The following TBC1D5 variants were observed in gnomAD, a reference collection of about 807,000 sequenced individuals.
TBC1D5 encodes TBC1 domain family, member 5.
TBC1D5 carries 75 observed loss-of-function variants against 100.3 expected under a neutral mutation model. The observed-to-expected ratio is 0.75, with a 90% CI of 0.62 to 0.91. The LOEUF is 0.91. TBC1D5 is among the 40% of genes least tolerant of loss of function. The probability of loss-of-function intolerance (pLI) is 0.00; values close to 1 mark genes in which losing one functional copy is unlikely to be tolerated. For synonymous variants in TBC1D5, 323 were observed against 325.6 expected (o/e 0.99, Z 0.09); for missense variants, 910 against 942.4 (o/e 0.97, Z 0.45).
chr3:17,378,718 T>A (rs2092807932), intron 9 of TBC1D5, among the ~76,000 whole-genome samples: 1 of 151,642 alleles, frequency 6.6e-6, no homozygotes, highest in South Asian at 2.1e-4. Context: ...TTTGCTTTCA[T>A]GCCTATAAAG....
intron 2 of TBC1D5, chr3:17,524,499 G>A (rs1271595851): frequency 6.6e-6 from 1 of 152,150 alleles, no homozygotes; most frequent in Non-Finnish European, 1.5e-5. Context: ...CAATCTAAAT[G>A]TTCTATAATC....
intron 2 of TBC1D5, among the ~76,000 whole-genome samples, chr3:17,514,053 G>A (rs2095949906): frequency 6.6e-6 from 1 of 152,114 alleles, no homozygotes; most frequent in Non-Finnish European, 1.5e-5. Flanking sequence ...AAAGAAAAAA[G>A]AGGGAAAGAA....
chr3:17,568,062 T>G (rs1423444071), intron 2 of TBC1D5, among the ~76,000 whole-genome samples: 1 of 151,600 alleles, frequency 6.6e-6, no homozygotes, highest in Non-Finnish European at 1.5e-5. Flanking sequence ...ATAATAATGT[T>G]CTAGCAAGCA....
intron 2 of TBC1D5, among the ~76,000 whole-genome samples, chr3:17,531,095 A>G: frequency 6.6e-6 from 1 of 152,238 alleles, no homozygotes; most frequent in East Asian, 1.9e-4. Flanking sequence ...CCATCATCTC[A>G]GCCCAAAATC....
chr3:17,446,659 A>G (rs2094802991), intron 3 of TBC1D5, among the ~76,000 whole-genome samples: 1 of 152,250 alleles, frequency 6.6e-6, no homozygotes, highest in South Asian at 2.1e-4. Flanking sequence ...AACAGAGACA[A>G]GTAAAAGCCC....
At chr3:17,533,074 GACACACACACACACACAC>G (rs9310518) in intron 2 of TBC1D5, among the ~76,000 whole-genome samples, 23 of 145,050 alleles carry the variant, frequency 1.6e-4, no homozygotes, top group African/African-American at 5.7e-4. Flanking sequence ...CACATACACA[GACACACACACACACACAC>G]ACACACACAC....
intron 8 of TBC1D5, among the ~76,000 whole-genome samples, chr3:17,397,217 T>G (rs2093531502): frequency 6.6e-6 from 1 of 152,094 alleles, no homozygotes; most frequent in Non-Finnish European, 1.5e-5. Context: ...CCAGAAAATA[T>G]CAAATAAGGT....
At chr3:17,242,824 G>C (rs894415094) in intron 16 of TBC1D5, among the ~76,000 whole-genome samples, 1 of 151,572 alleles carries the variant, frequency 6.6e-6, no homozygotes, top group South Asian at 2.1e-4. Flanking sequence ...AAAATAAACC[G>C]ATATATATAT....
intron 16 of TBC1D5, among the ~76,000 whole-genome samples, chr3:17,251,438 C>CA (rs1553635378): frequency 4.4e-5 from 5 of 113,272 alleles, no homozygotes; most frequent in East Asian, 4.6e-4. Context: ...CCCCCCCCCC[C>CA]AGTAGAAGCG....
intron 13 of TBC1D5, among the ~76,000 whole-genome samples, chr3:17,349,890 C>G (rs990973155): frequency 6.6e-6 from 1 of 152,142 alleles, no homozygotes; most frequent in Non-Finnish European, 1.5e-5. Context: ...AGTTAACACA[C>G]AGATCCATGG....
intron 2 of TBC1D5, 188 bp downstream of exon 2, chr3:17,623,661 G>A (rs946599925): frequency 2.6e-5 from 4 of 152,264 alleles, no homozygotes; most frequent in Admixed American, 2.0e-4. Context: ...TGACTTACAA[G>A]GCTGCAATTG....
intron 1 of TBC1D5, among the ~76,000 whole-genome samples, chr3:17,627,943 C>T (rs1412554369): frequency 6.6e-6 from 1 of 152,014 alleles, no homozygotes; most frequent in Non-Finnish European, 1.5e-5. Context: ...TCTGCATTAG[C>T]TCTTATTACT....
chr3:17,430,349 G>A (rs2094426349), intron 3 of TBC1D5, among the ~76,000 whole-genome samples: 2 of 151,740 alleles, frequency 1.3e-5, no homozygotes, highest in South Asian at 4.1e-4. Flanking sequence ...CCTTTAAGGT[G>A]ATATTTATCA....
chr3:17,524,079 A>C (rs2096097838), intron 2 of TBC1D5, among the ~76,000 whole-genome samples: 1 of 152,188 alleles, frequency 6.6e-6, no homozygotes, highest in Non-Finnish European at 1.5e-5. Flanking sequence ...AAAAGCATGA[A>C]ACAAATAATA....
intron 2 of TBC1D5, among the ~76,000 whole-genome samples, chr3:17,540,059 A>C (rs905816233): frequency 7.2e-5 from 11 of 152,170 alleles, no homozygotes; most frequent in African/African-American, 2.7e-4. Flanking sequence ...GTGGTATTTC[A>C]TTATAGTTTT....
chr3:17,341,863 T>A (rs2151422363), intron 13 of TBC1D5, among the ~76,000 whole-genome samples: 1 of 152,256 alleles, frequency 6.6e-6, no homozygotes, highest in Non-Finnish European at 1.5e-5. Flanking sequence ...CCACCCCAAC[T>A]TTTATCTTCT....
chr3:17,428,597 C>A (rs183239553), intron 3 of TBC1D5, 78 bp from the exon 4 acceptor site: 1 of 658,922 alleles, frequency 1.5e-6, no homozygotes, highest in Non-Finnish European at 2.3e-6. Context: ...GAAAGCTCTA[C>A]GCAATATATT....
At chr3:17,220,900 C>T (rs922950884) in intron 17 of TBC1D5, among the ~76,000 whole-genome samples, 1 of 152,152 alleles carries the variant, frequency 6.6e-6, no homozygotes, top group African/African-American at 2.4e-5. Context: ...AAAATTCCAT[C>T]TTTTTAAAAG....
chr3:17,739,490 A>C (rs942373994), exon 1 of TBC1D5: 1 of 152,218 alleles, frequency 6.6e-6, no homozygotes, highest in Non-Finnish European at 1.5e-5. Context: ...AACAAACACT[A>C]AATCTACTAC....
Sources: allele counts gnomAD v4.1 joint callset (sites outside exome capture counted in the v4.1 genomes callset), GRCh38; gene constraint gnomAD v4.1.1; transcripts MANE v1.5; gene names NCBI Gene and HGNC (gene_info 2026-07-23, HGNC 2026-07-21).